The following IL1RAPL1 variants were observed in gnomAD, a reference collection of about 807,000 sequenced individuals.
IL1RAPL1 encodes the protein interleukin-1 receptor accessory protein-like 1.
A neutral mutation model predicts 48.4 loss-of-function variants in IL1RAPL1; 3 were observed. That is an observed-to-expected ratio of 0.06 (90% CI 0.03 to 0.16). The LOEUF is 0.16. IL1RAPL1 is among the 10% of genes least tolerant of loss of function. IL1RAPL1 has a pLI of 1.00. For missense variants in IL1RAPL1, 349 were observed against 530.6 expected (o/e 0.66, Z 3.36); for synonymous variants, 185 against 187.7 (o/e 0.99, Z 0.12).
chrX:29,579,948 T>C (rs905854988), intron 5 of IL1RAPL1, among the ~76,000 whole-genome samples: 1 of 111,622 alleles, frequency 9.0e-6, no homozygotes, highest in African/African-American at 3.2e-5. Context: ...AGATTTGCTC[T>C]CATGAATTTA....
chrX:29,106,145 G>A (rs1928441580), intron 2 of IL1RAPL1, among the ~76,000 whole-genome samples: 1 of 111,862 alleles, frequency 8.9e-6, no homozygotes, highest in Non-Finnish European at 1.9e-5. Context: ...CATAGAATAT[G>A]TGCGAGAACT....
At chrX:28,835,694 T>C (rs1921186699) in intron 2 of IL1RAPL1, among the ~76,000 whole-genome samples, 1 of 111,370 alleles carries the variant, frequency 9.0e-6, no homozygotes, top group Admixed American at 9.6e-5. Flanking sequence ...AAACCGCCAT[T>C]TTTGTAGGTT....
chrX:29,461,947 AAGTAT>A (rs1446844206), intron 5 of IL1RAPL1, among the ~76,000 whole-genome samples: 1 of 111,870 alleles, frequency 8.9e-6, no homozygotes, highest in Non-Finnish European at 1.9e-5. Context: ...ATAGTTGCAC[AAGTAT>A]ATAAGTTTAC....
chrX:28,889,826 A>G (rs1922730588), intron 2 of IL1RAPL1, among the ~76,000 whole-genome samples: 1 of 110,117 alleles, frequency 9.1e-6, no homozygotes, highest in South Asian at 3.8e-4. Context: ...TTTTTTTCTT[A>G]GGCTAGACAC....
At chrX:29,932,127 TCTGAGATAAAGGAAG>T (rs1427741162) in intron 8 of IL1RAPL1, among the ~76,000 whole-genome samples, 12 of 112,257 alleles carry the variant, frequency 1.1e-4, no homozygotes, top group African/African-American at 3.6e-4. Flanking sequence ...TCTTATGAGA[TCTGAGATAAAGGAAG>T]CCCCATCTGA....
chrX:29,688,482 A>G (rs887805501), intron 6 of IL1RAPL1, among the ~76,000 whole-genome samples: 5 of 111,921 alleles, frequency 4.5e-5, no homozygotes, highest in Non-Finnish European at 9.4e-5. Context: ...TCTTTATTTC[A>G]AGAAGCTTAA....
At chrX:29,182,111 C>A (rs186316785) in intron 2 of IL1RAPL1, among the ~76,000 whole-genome samples, 106 of 110,022 alleles carry the variant, frequency 9.6e-4, no homozygotes, top group African/African-American at 3.3e-3. Flanking sequence ...CTTGCCCCCC[C>A]CCACCCCATG....
chrX:29,549,575 G>T (rs1921739564), intron 5 of IL1RAPL1, among the ~76,000 whole-genome samples: 1 of 111,615 alleles, frequency 9.0e-6, no homozygotes, highest in Non-Finnish European at 1.9e-5. Flanking sequence ...GCATTGACTG[G>T]GGGTCTTGGA....
At chrX:29,668,326 A>T in intron 5 of IL1RAPL1, 104 bp from the exon 6 acceptor site, 1 of 723,451 alleles carries the variant, frequency 1.4e-6, no homozygotes, top group Non-Finnish European at 2.1e-6. Flanking sequence ...CTTTAACACT[A>T]CTTTGAAAGT....
In IL1RAPL1 at chrX:29,241,200, A is replaced by G. The variant is rs11798944; in HGVS notation, c.83-41738A>G. 1.9e-3 allele frequency among the ~76,000 whole-genome samples: 216 copies of G among 111,710 alleles called. 1 individual carries two copies. The highest frequency in any genetic ancestry group is 3.4e-3 in the Non-Finnish European group (183 of 53,180). On this transcript the variant is annotated intron_variant, in intron 2 of 10. Transcript: ENST00000378993. ...ATACAGGACCATGTTCTTAAGGCAA[A>G]TATACTATATAGTGAATGAAAGAAA...
intron 2 of IL1RAPL1, among the ~76,000 whole-genome samples, chrX:29,183,701 T>C (rs1349280705): frequency 1.8e-5 from 2 of 112,137 alleles, no homozygotes; most frequent in African/African-American, 6.5e-5. Flanking sequence ...TTATTTTATT[T>C]ACTTATTTTG....
chrX:29,846,268 A>G (rs1931244878), intron 6 of IL1RAPL1, among the ~76,000 whole-genome samples: 1 of 111,431 alleles, frequency 9.0e-6, no homozygotes, highest in African/African-American at 3.3e-5. Context: ...CACAAAATAC[A>G]GAAACCTTAC....
chrX:29,490,834 ATGTGTGTGTGTG>A (rs199987230), intron 5 of IL1RAPL1, among the ~76,000 whole-genome samples: 5 of 96,004 alleles, frequency 5.2e-5, no homozygotes, highest in African/African-American at 2.3e-4. Context: ...CATCTGAGGT[ATGTGTGTGTGTG>A]TGTGTGTATA....
intron 2 of IL1RAPL1, among the ~76,000 whole-genome samples, chrX:29,087,793 G>GAGGCCA (rs1225895228): frequency 3.6e-5 from 4 of 112,315 alleles, no homozygotes; most frequent in Non-Finnish European, 7.5e-5. Context: ...TAGAACTTGG[G>GAGGCCA]AGGCCAAGGC....
At chrX:29,536,754 A>T (rs1391195745) in intron 5 of IL1RAPL1, among the ~76,000 whole-genome samples, 1 of 107,559 alleles carries the variant, frequency 9.3e-6, no homozygotes, top group Non-Finnish European at 1.9e-5. Flanking sequence ...TATACAAATA[A>T]CTGATCTTTA....
chrX:29,306,296 C>T (rs768197554), intron 3 of IL1RAPL1, among the ~76,000 whole-genome samples: 14 of 110,830 alleles, frequency 1.3e-4, no homozygotes, highest in Admixed American at 1.1e-3. Context: ...TTTGGGAGGC[C>T]GAGGCAGGCG....
At chrX:29,539,086 G>C (rs1183009502) in intron 5 of IL1RAPL1, among the ~76,000 whole-genome samples, 2 of 111,108 alleles carry the variant, frequency 1.8e-5, no homozygotes, top group Non-Finnish European at 3.8e-5. Flanking sequence ...CCAAAACCTG[G>C]CAAGGACACA....
chrX:29,060,323 C>G (rs778087542), intron 2 of IL1RAPL1, among the ~76,000 whole-genome samples: 1 of 111,614 alleles, frequency 9.0e-6, no homozygotes, highest in African/African-American at 3.2e-5. Flanking sequence ...CACTTTTTAG[C>G]CCACAATTCC....
intron 2 of IL1RAPL1, among the ~76,000 whole-genome samples, chrX:29,236,535 C>T (rs374667010): frequency 5.3e-3 from 309 of 58,098 alleles, no homozygotes; most frequent in Middle Eastern, 9.2e-3. Context: ...CTTTCTTTTT[C>T]TTTTTTTTTC....
Sources: gnomAD v4.1 joint callset for allele counts (sites outside exome capture counted in the v4.1 genomes callset) on GRCh38, gnomAD v4.1.1 for gene constraint, MANE v1.5 for transcripts, NCBI Gene and HGNC (gene_info 2026-07-23, HGNC 2026-07-21) for gene names.